COL18A1: variants seen among roughly 807,000 people sequenced by gnomAD.
COL18A1 encodes collagen alpha-1(XVIII) chain.
A neutral mutation model predicts 168.0 loss-of-function variants in COL18A1; 133 were observed. The ratio of observed to expected loss-of-function variants is 0.79; its 90% confidence interval spans 0.69 to 0.91. The LOEUF (loss-of-function observed/expected upper bound fraction) is 0.91. COL18A1 is among the 40% of genes least tolerant of loss of function. COL18A1 has a pLI of 0.00. For missense variants in COL18A1, 2,126 were observed against 1,925.4 expected (o/e 1.10, Z -1.95); for synonymous variants, 949 against 809.0 (o/e 1.17, Z -2.94).
In COL18A1 at chr21:45,507,202, C is replaced by A. The variant is rs1280629531; in HGVS notation, c.3217-359C>A. On this transcript the variant is annotated intron_variant, in intron 37 of 41. Transcript: ENST00000651438. ...AGGCGGGTGCTGGGCAGGGAGGGCA[C>A]CCTCCTGTGGGCTGGGAGGGCCGGG... 172 of 166,034 alleles carry A rather than the reference C, an allele frequency of 1.0e-3. 1 individual carries two copies. The highest frequency in any genetic ancestry group is 2.0e-3 in the African/African-American group (27 of 13,574). The allele number at this position is 166,034 out of a possible 1,614,324, so 10.3% of individuals were successfully genotyped here. A position where few individuals can be genotyped will look rare whatever the true frequency, so the allele number is the denominator to read the frequency against.
chr21:45,467,381 G>A (rs1602453395), intron 2 of COL18A1: 3 of 985,376 alleles, frequency 3.0e-6, no homozygotes, highest in South Asian at 4.7e-5. Context: ...GCATTTGCAC[G>A]GAGCAGCGGG....
Position 45,486,973 on chromosome 21 carries a change from CAGGACTCCCCGCTGGATTTGTGAG to C in COL18A1, c.1815_1833+5del. On this transcript the variant is annotated splice_donor_variant and splice_donor_5th_base_variant and coding_sequence_variant and intron_variant, in exon 16 of 42. Coordinates refer to ENST00000651438, the MANE Select transcript of COL18A1 (RefSeq NM_001379500.1). LOFTEE classifies it high-confidence loss of function. ...CCTGGGCCCCCTGGGCCCCCAGGAC[CAGGACTCCCCGCTGGATTTGTGAG>C]TACCGCCTACACCTGACCCCCTGGA... 1 of 1,515,212 alleles carries C rather than the reference CAGGACTCCCCGCTGGATTTGTGAG, an allele frequency of 6.6e-7. No homozygotes were observed. The highest frequency in any genetic ancestry group is 8.8e-7 in the Non-Finnish European group (1 of 1,138,366). 93.9% of individuals were successfully genotyped at this position (1,515,212 alleles called of 1,614,324 possible). A position where few individuals can be genotyped will look rare whatever the true frequency, so the allele number is the denominator to read the frequency against.
chr21:45,459,388 C>T (rs1193791621), intron 2 of COL18A1, among the ~76,000 whole-genome samples: 2 of 152,154 alleles, frequency 1.3e-5, no homozygotes, highest in African/African-American at 4.8e-5. Context: ...ACAGAGCCCT[C>T]GAGGCCCACA....
In COL18A1 at chr21:45,476,334, C is replaced by A. The variant is rs1471115836; in HGVS notation, c.799-17C>A. ...CTGCCGGCCGAATAACAGGCCACCT[C>A]CCCTCTCGTCCTCCAGGGCGCGGCC... is the stretch of plus-strand genomic sequence containing the variant. On this transcript the variant is annotated splice_polypyrimidine_tract_variant and intron_variant, in intron 5 of 41. Coordinates refer to ENST00000651438, the MANE Select transcript of COL18A1 (RefSeq NM_001379500.1). The A allele has an allele frequency of 6.2e-7, 1 of 1,613,830 alleles. No homozygotes were observed. The highest frequency in any genetic ancestry group is 1.7e-5 in the Admixed American group (1 of 60,022).
chr21:45,441,483 C>T (rs971745813), intron 2 of COL18A1, among the ~76,000 whole-genome samples: 8 of 152,200 alleles, frequency 5.3e-5, no homozygotes, highest in Non-Finnish European at 7.3e-5. Flanking sequence ...GACGCTTGAA[C>T]CCACCTCGAG....
intron 2 of COL18A1, among the ~76,000 whole-genome samples, chr21:45,454,870 G>A (rs1173596862): frequency 6.6e-6 from 1 of 152,206 alleles, no homozygotes; most frequent in African/African-American, 2.4e-5. Context: ...GTCTCTGCTG[G>A]GTCTCCTGGG....
At chr21:45,461,198 A>G (rs1020821337) in intron 2 of COL18A1, among the ~76,000 whole-genome samples, 2 of 152,060 alleles carry the variant, frequency 1.3e-5, no homozygotes, top group Non-Finnish European at 2.9e-5. Flanking sequence ...CCTTCGACCA[A>G]CAGTCACATT....
At chr21:45,464,548 A>T (rs2145878812) in intron 2 of COL18A1, among the ~76,000 whole-genome samples, 2 of 152,286 alleles carry the variant, frequency 1.3e-5, no homozygotes, top group Admixed American at 1.3e-4. Flanking sequence ...TCAGTGGCTT[A>T]AACCAACACA....
At position 45,510,175 on chromosome 21, in the gene COL18A1, C is replaced by T. The variant is rs371038039; in HGVS notation, c.3607C>T (p.Arg1203Cys). The T allele has an allele frequency of 7.1e-5, 114 of 1,596,638 alleles. No homozygotes were observed. The highest frequency in any genetic ancestry group is 2.4e-4 in the African/African-American group (18 of 74,524). The change falls in exon 40 of 42, where the codon CGC (arginine) becomes TGC (cysteine). Residue 1203 changes from arginine (R) to cysteine (C), a missense_variant. Coordinates refer to ENST00000651438, the MANE Select transcript of COL18A1 (RefSeq NM_001379500.1). ...ARAVGLAGTFRAFLSSRLQDL... is the reference protein window; with the variant it reads ...ARAVGLAGTFCAFLSSRLQDL... ...GGCCGTGGGGCTGGCGGGCACCTTC[C>T]GCGCCTTCCTGTCCTCGCGCCTGCA...
intron 31 of COL18A1, 148 bp from the exon 32 acceptor site, chr21:45,497,451 C>T (rs2036581050): frequency 8.7e-7 from 1 of 1,147,398 alleles, no homozygotes; most frequent in Non-Finnish European, 1.3e-6. Context: ...CCCTGCTCTC[C>T]AGCAGCTCCT....
At chr21:45,483,243 C>A (rs57262111) in intron 15 of COL18A1, among the ~76,000 whole-genome samples, 3 of 152,070 alleles carry the variant, frequency 2.0e-5, no homozygotes, top group East Asian at 1.9e-4. Flanking sequence ...AACATCCCCC[C>A]ATAGGGGAGC....
intron 2 of COL18A1, among the ~76,000 whole-genome samples, chr21:45,433,223 A>T (rs1189511338): frequency 6.6e-6 from 1 of 152,242 alleles, no homozygotes; most frequent in African/African-American, 2.4e-5. Flanking sequence ...TGTGGACAGA[A>T]AGTTTGGATG....
At chr21:45,437,320 GCA>G (rs754264326) in intron 2 of COL18A1, among the ~76,000 whole-genome samples, 2,322 of 66,848 alleles carry the variant, frequency 0.035, 124 homozygotes, top group Non-Finnish European at 0.046. Flanking sequence ...GCACTCTCCT[GCA>G]CACACACACA....
At chr21:45,419,499 A>T (rs1372230434) in intron 2 of COL18A1, among the ~76,000 whole-genome samples, 1 of 152,176 alleles carries the variant, frequency 6.6e-6, no homozygotes, top group East Asian at 1.9e-4. Context: ...GAGGCCGCCC[A>T]TCACTGTTCG....
chr21:45,415,953 C>A (rs560746440), intron 2 of COL18A1, among the ~76,000 whole-genome samples: 1 of 152,172 alleles, frequency 6.6e-6, no homozygotes, highest in Admixed American at 6.5e-5. Flanking sequence ...CAGAACACTG[C>A]GTGGGCCCTC....
chr21:45,420,412 C>G (rs1219002517), intron 2 of COL18A1: 4 of 152,200 alleles, frequency 2.6e-5, no homozygotes, highest in African/African-American at 9.7e-5. Context: ...GGTGACGTCC[C>G]CTCCACAGAA....
chr21:45,418,374 T>G (rs899521190), intron 2 of COL18A1, among the ~76,000 whole-genome samples: 1 of 152,054 alleles, frequency 6.6e-6, no homozygotes, highest in African/African-American at 2.4e-5. Flanking sequence ...GGCAGCTCAG[T>G]GCTGGGCTCA....
In COL18A1 at chr21:45,486,981, C is replaced by T; in HGVS notation, c.1822C>T (p.Pro608Ser). Residue 608 changes from proline (P) to serine (S), a missense_variant, in exon 16 of 42, where the codon CCC becomes TCC. Coordinates refer to ENST00000651438, the MANE Select transcript of COL18A1 (RefSeq NM_001379500.1). ...GPPGPPGPGLPAGFDDMEGSG... is the reference protein window; with the variant it reads ...GPPGPPGPGLSAGFDDMEGSG... ...CCCTGGGCCCCCAGGACCAGGACTC[C>T]CCGCTGGATTTGTGAGTACCGCCTA... 6.6e-7 allele frequency: 1 copy of T among 1,519,698 alleles called. No individual in the cohort carries two copies. The highest frequency in any genetic ancestry group is 8.8e-7 in the Non-Finnish European group (1 of 1,140,848). The allele number at this position is 1,519,698 out of a possible 1,614,324, so 94.1% of individuals were successfully genotyped here.
At chr21:45,503,117 C>G (rs1200866525) in intron 32 of COL18A1, 2 of 152,146 alleles carry the variant, frequency 1.3e-5, no homozygotes, top group Middle Eastern at 3.2e-3. Context: ...AATGGTATTT[C>G]TAGTTCTAGA....
Sources: gnomAD v4.1 joint callset for allele counts (sites outside exome capture counted in the v4.1 genomes callset) on GRCh38, gnomAD v4.1.1 for gene constraint, MANE v1.5 for transcripts, NCBI Gene and HGNC (gene_info 2026-07-23, HGNC 2026-07-21) for gene names.